The following SEC24B variants were observed in gnomAD, a reference collection of about 807,000 sequenced individuals.
The protein encoded by SEC24B is SEC24 homolog B, COPII component, also known as protein transport protein Sec24B.
SEC24B carries 45 observed loss-of-function variants against 142.8 expected under a neutral mutation model. That is an observed-to-expected ratio of 0.32 (90% confidence interval 0.25 to 0.40). The LOEUF (loss-of-function observed/expected upper bound fraction) is 0.40. Ranked by LOEUF, SEC24B falls within the 10% of genes least tolerant of loss-of-function variation. SEC24B has a pLI of 1.00. For missense variants in SEC24B, 1,409 were observed against 1,526.8 expected, an observed-to-expected ratio of 0.92 and a Z score of 1.29; for synonymous variants, 574 against 568.2, an observed-to-expected ratio of 1.01 and a Z score of -0.15.
At chr4:109,513,232 C>T (rs1248151104) in intron 9 of SEC24B, among the ~76,000 whole-genome samples, 2 of 151,630 alleles carry the variant, frequency 1.3e-5, no homozygotes, top group East Asian at 3.9e-4. Context: ...CCTCAGCCTC[C>T]CAAAATGCTG....
chr4:109,469,673 CA>C (rs1426182746), intron 2 of SEC24B, among the ~76,000 whole-genome samples: 1 of 152,028 alleles, frequency 6.6e-6, no homozygotes. Flanking sequence ...TGTGTAAATG[CA>C]AAAAGGCAAA....
chr4:109,456,054 A>G (rs1030375390), intron 1 of SEC24B, among the ~76,000 whole-genome samples: 6 of 152,092 alleles, frequency 3.9e-5, no homozygotes, highest in Non-Finnish European at 5.9e-5. Flanking sequence ...GCTTCTTTTC[A>G]TCAGCGTTTT....
rs78019176 is a variant in SEC24B, at chr4:109,485,814, A to C, written c.1165+4033A>C. Among the ~76,000 whole-genome samples, 973 of 152,298 alleles carry C rather than the reference A, an allele frequency of 6.4e-3. 6 individuals are homozygous for C. Among genetic ancestry groups the C allele is most frequent in the Non-Finnish European group, 0.01 (711 of 68,024 alleles). On this transcript the variant is annotated intron_variant, in intron 4 of 23. Transcript: ENST00000265175. ...ATTTGGAGTGCTCTACTTCTTAAGC[A>C]TTTCAGTGGCATTTATTCCCTTTAT...
rs762191203 is a variant in SEC24B at position 109,527,271 on chromosome 4, T to C, written c.2966-51T>C. 7 of 1,226,378 alleles carry C rather than the reference T, an allele frequency of 5.7e-6. No individual in the cohort carries two copies. The African/African-American group carries it at 1.1e-4, about 19-fold the overall frequency. 76.0% of individuals were successfully genotyped at this position (1,226,378 alleles called of 1,614,324 possible). A position where few individuals can be genotyped will look rare whatever the true frequency, so the allele number is the denominator to read the frequency against. ...AAAAAAAGTATTTGACATGTTTGCT[T>C]TGCTTTATTTCCTTTTTGATCTAAT... On this transcript the variant is annotated intron_variant, in intron 17 of 23. Coordinates refer to ENST00000265175, the MANE Select transcript of SEC24B (RefSeq NM_006323.5).
rs777780304 is a variant in SEC24B at position 109,539,727 on chromosome 4, T to C, written c.*52T>C. On this transcript the variant is annotated 3_prime_UTR_variant, in exon 24 of 24. Coordinates refer to ENST00000265175, the MANE Select transcript of SEC24B (RefSeq NM_006323.5). ...GATCTATAACCTAGGTAAAGCATAATCTGTCAGAGAAGCGCGTGAGAAATT... is the reference window on the plus strand; with the variant it reads ...GATCTATAACCTAGGTAAAGCATAACCTGTCAGAGAAGCGCGTGAGAAATT... The C allele has an allele frequency of 1.6e-6, 2 of 1,229,258 alleles. No individual in the cohort carries two copies. The highest frequency in any genetic ancestry group is 2.4e-6 in the Non-Finnish European group (2 of 841,654). The allele number at this position is 1,229,258 out of a possible 1,614,324, so 76.1% of individuals were successfully genotyped here. A position where few individuals can be genotyped will look rare whatever the true frequency, so the allele number is the denominator to read the frequency against.
chr4:109,491,238 C>T (rs755968274), intron 4 of SEC24B, 89 bp from the exon 5 acceptor site: 9 of 981,810 alleles, frequency 9.2e-6, no homozygotes, highest in East Asian at 5.0e-5. Flanking sequence ...TTCCTAGTTC[C>T]GCAAAAACAT....
chr4:109,463,725 G>C, intron 2 of SEC24B, 81 bp downstream of exon 2: 1 of 1,520,550 alleles, frequency 6.6e-7, no homozygotes, highest in South Asian at 1.3e-5. Flanking sequence ...ATGAAGGTTA[G>C]AGGTGATATT....
At chr4:109,505,483 G>A (rs1473034477) in intron 6 of SEC24B, among the ~76,000 whole-genome samples, 2 of 152,014 alleles carry the variant, frequency 1.3e-5, no homozygotes, top group Non-Finnish European at 2.9e-5. Flanking sequence ...TAAAATCAAA[G>A]AACTTAAGTA....
At chr4:109,518,096 T>C (rs762677638) in intron 11 of SEC24B, among the ~76,000 whole-genome samples, 1 of 151,996 alleles carries the variant, frequency 6.6e-6, no homozygotes, top group Non-Finnish European at 1.5e-5. Context: ...GCCTCCCAAA[T>C]AGCTGGGATT....
chr4:109,534,799 T>C (rs966449392), intron 22 of SEC24B, among the ~76,000 whole-genome samples: 57 of 152,174 alleles, frequency 3.7e-4, no homozygotes, highest in African/African-American at 1.4e-3. Context: ...CTCAGCCTCC[T>C]GAGTAGCTGG....
chr4:109,440,810 A>G (rs1312344910), intron 1 of SEC24B, among the ~76,000 whole-genome samples: 3 of 152,152 alleles, frequency 2.0e-5, no homozygotes, highest in African/African-American at 7.2e-5. Flanking sequence ...CACTCAGTTA[A>G]GTGAACTTGG....
intron 6 of SEC24B, among the ~76,000 whole-genome samples, chr4:109,500,933 A>G (rs1736063518): frequency 6.6e-6 from 1 of 152,180 alleles, no homozygotes; most frequent in South Asian, 2.1e-4. Flanking sequence ...TGCTGGGATT[A>G]CAGATGTGAG....
Position 109,512,088 on chromosome 4 carries a change from G to T in SEC24B, c.1903+5G>T. Reference sequence around the variant, plus strand: ...TGTGCTATAGAGTAAACGATGGTGAGTTTTAGATTCTTAATTGTGTTTTAA... The same window carrying T: ...TGTGCTATAGAGTAAACGATGGTGATTTTTAGATTCTTAATTGTGTTTTAA... On this transcript the variant is annotated splice_donor_5th_base_variant and intron_variant, in intron 9 of 23. Coordinates refer to ENST00000265175, the MANE Select transcript of SEC24B (RefSeq NM_006323.5). The T allele has an allele frequency of 6.3e-7, 1 of 1,590,140 alleles. No homozygotes were observed. The highest frequency in any genetic ancestry group is 8.5e-7 in the Non-Finnish European group (1 of 1,171,500).
At chr4:109,533,527 G>T in intron 21 of SEC24B, 66 bp from the exon 22 acceptor site, 1 of 973,342 alleles carries the variant, frequency 1.0e-6, no homozygotes, top group East Asian at 2.4e-5. Context: ...TGATAATTTT[G>T]AGAACATTAA....
At chr4:109,443,438 C>T (rs1729118838) in intron 1 of SEC24B, among the ~76,000 whole-genome samples, 1 of 152,098 alleles carries the variant, frequency 6.6e-6, no homozygotes, top group Admixed American at 6.5e-5. Context: ...GACGAGATCT[C>T]ACTGTGTTGC....
chr4:109,516,419 G>A, intron 10 of SEC24B, 109 bp from the exon 11 acceptor site: 1 of 619,788 alleles, frequency 1.6e-6, no homozygotes, highest in East Asian at 2.8e-5. Context: ...AATCCTATTT[G>A]TGTATTTTTT....
At chr4:109,513,009 C>G (rs199545721) in intron 9 of SEC24B, among the ~76,000 whole-genome samples, 1 of 141,368 alleles carries the variant, frequency 7.1e-6, no homozygotes, top group Admixed American at 7.2e-5. Context: ...GAGTCTCACT[C>G]TGTCACCCAG....
chr4:109,505,049 G>A (rs922472362), intron 6 of SEC24B, among the ~76,000 whole-genome samples: 4 of 151,956 alleles, frequency 2.6e-5, no homozygotes, highest in Admixed American at 1.3e-4. Flanking sequence ...TAAACTATAA[G>A]CTAATAAAAA....
Position 109,526,210 on chromosome 4 carries a change from A to AT in SEC24B, c.2792-12dup, listed in dbSNP as rs1271033672. ...ACTATTGTTAACTTGATTTTTTATG[A>AT]TTTTCTCCTTTTTAGGTCTTTCAAT... On this transcript the variant is annotated splice_polypyrimidine_tract_variant and intron_variant, in intron 16 of 23. Transcript: ENST00000265175. 6.2e-7 allele frequency: 1 copy of AT among 1,609,152 alleles called. No homozygotes were observed. Among genetic ancestry groups the AT allele is most frequent in the South Asian group, 1.1e-5 (1 of 89,842 alleles).
Sources: gnomAD v4.1 joint callset for allele counts (sites outside exome capture counted in the v4.1 genomes callset) on GRCh38, gnomAD v4.1.1 for gene constraint, MANE v1.5 for transcripts, NCBI Gene and HGNC (gene_info 2026-07-23, HGNC 2026-07-21) for gene names.